SHISA9: variants seen among roughly 807,000 people sequenced by gnomAD.
SHISA9 encodes the protein protein shisa-9.
In SHISA9, 13 loss-of-function variants were observed where a neutral mutation model predicts 38.0. The observed-to-expected ratio is 0.34, with a 90% CI of 0.22 to 0.54. The LOEUF is 0.54. Among genes scored for constraint, SHISA9 ranks in the 20% least tolerant of loss-of-function variants. The probability of loss-of-function intolerance (pLI) is 0.91; values close to 1 mark genes in which losing one functional copy is unlikely to be tolerated. For synonymous variants in SHISA9, 275 were observed against 242.0 expected, an observed-to-expected ratio of 1.14 and a Z score of -1.27; for missense variants, 538 against 575.8, an observed-to-expected ratio of 0.93 and a Z score of 0.67.
chr16:12,942,648 A>G (rs1230615467), intron 2 of SHISA9, among the ~76,000 whole-genome samples: 1 of 152,256 alleles, frequency 6.6e-6, no homozygotes, highest in Non-Finnish European at 1.5e-5. Flanking sequence ...GAACTTGAGC[A>G]TTCTCACTTC....
At chr16:12,926,930 T>C (rs1318893790) in intron 2 of SHISA9, among the ~76,000 whole-genome samples, 1 of 152,196 alleles carries the variant, frequency 6.6e-6, no homozygotes, top group African/African-American at 2.4e-5. Flanking sequence ...AAGAGGATTT[T>C]GTTCTACAAG....
chr16:13,152,960 TGTAGGCGAG>T (rs2050512614), intron 2 of SHISA9, among the ~76,000 whole-genome samples: 1 of 152,200 alleles, frequency 6.6e-6, no homozygotes, highest in Non-Finnish European at 1.5e-5. Flanking sequence ...TTTCTTTAAA[TGTAGGCGAG>T]GTAGGTAGAA....
chr16:13,285,794 T>C, the SHISA9 span, among the ~76,000 whole-genome samples: 82 of 152,304 alleles, frequency 5.4e-4, no homozygotes, highest in African/African-American at 1.9e-3. Context: ...CTTTAACCCA[T>C]CTGTTTTCAT....
the SHISA9 span, among the ~76,000 whole-genome samples, chr16:13,445,280 C>T: frequency 0.012 from 1,798 of 152,176 alleles, 18 homozygotes; most frequent in Non-Finnish European, 0.02. Context: ...TTTGCATCTC[C>T]AGCACCTAAC....
At chr16:12,915,215 C>A (rs1567337447) in intron 1 of SHISA9, among the ~76,000 whole-genome samples, 1 of 152,220 alleles carries the variant, frequency 6.6e-6, no homozygotes, top group Admixed American at 6.5e-5. Context: ...AATCCCAACA[C>A]TTTGAGAGGT....
the SHISA9 span, chr16:13,331,901 T>A: frequency 6.6e-6 from 1 of 152,236 alleles, no homozygotes; most frequent in East Asian, 1.9e-4. Context: ...TCGGTGCACA[T>A]TCGGCAGACT....
At chr16:13,275,186 C>A in the SHISA9 span, among the ~76,000 whole-genome samples, 2 of 152,074 alleles carry the variant, frequency 1.3e-5, no homozygotes, top group Non-Finnish European at 2.9e-5. Context: ...CATTGTTTCT[C>A]TTACATAATG....
the SHISA9 span, among the ~76,000 whole-genome samples, chr16:13,326,095 G>T: frequency 6.7e-6 from 1 of 150,322 alleles, no homozygotes; most frequent in African/African-American, 2.5e-5. Context: ...AGAAAAAAAA[G>T]ATGCTGTCCA....
At chr16:13,409,196 G>A in the SHISA9 span, among the ~76,000 whole-genome samples, 1 of 152,196 alleles carries the variant, frequency 6.6e-6, no homozygotes, top group East Asian at 1.9e-4. Context: ...CAAACTCCAG[G>A]GGAAGATCAT....
At chr16:13,272,812 T>C in the SHISA9 span, among the ~76,000 whole-genome samples, 3 of 152,182 alleles carry the variant, frequency 2.0e-5, no homozygotes, top group African/African-American at 7.2e-5. Context: ...TTCTCTCTTC[T>C]TCTTTACAAT....
chr16:13,196,445 T>TACAA (rs2050944009), intron 2 of SHISA9, among the ~76,000 whole-genome samples: 1 of 151,186 alleles, frequency 6.6e-6, no homozygotes, highest in Non-Finnish European at 1.5e-5. Context: ...ACAAGATATC[T>TACAA]GACCCTGTAC....
At chr16:13,431,759 T>A in the SHISA9 span, among the ~76,000 whole-genome samples, 11 of 152,264 alleles carry the variant, frequency 7.2e-5, no homozygotes, top group East Asian at 1.9e-3. Context: ...AAAATATGTA[T>A]TTAATTTGAA....
At chr16:13,508,172 A>G in the SHISA9 span, among the ~76,000 whole-genome samples, 1 of 152,176 alleles carries the variant, frequency 6.6e-6, no homozygotes, top group Non-Finnish European at 1.5e-5. Context: ...TACATAATGG[A>G]TGCTTAATAA....
the SHISA9 span, among the ~76,000 whole-genome samples, chr16:13,552,014 G>A: frequency 2.0e-5 from 3 of 151,982 alleles, no homozygotes; most frequent in South Asian, 4.1e-4. Flanking sequence ...GTAACAGAAC[G>A]AGACTCCATC....
chr16:13,309,878 CTATTTATTTATT>C, the SHISA9 span, among the ~76,000 whole-genome samples: 2 of 151,156 alleles, frequency 1.3e-5, no homozygotes, highest in Non-Finnish European at 2.9e-5. Flanking sequence ...ATTTACTTAT[CTATTTATTTATT>C]TATTTATTTA....
chr16:13,515,083 C>T, the SHISA9 span, among the ~76,000 whole-genome samples: 2 of 152,062 alleles, frequency 1.3e-5, no homozygotes, highest in Non-Finnish European at 1.5e-5. Flanking sequence ...ACCTAGAATT[C>T]TATACTCAGT....
At chr16:13,227,586 TGGATATATAAATTTTGAA>T (rs1243460535) in intron 4 of SHISA9, among the ~76,000 whole-genome samples, 1 of 152,194 alleles carries the variant, frequency 6.6e-6, no homozygotes, top group African/African-American at 2.4e-5. Context: ...GGGAGGTAAC[TGGATATATAAATTTTGAA>T]GTCTAAAGGG....
chr16:12,955,977 A>C (rs1313016157), intron 2 of SHISA9, among the ~76,000 whole-genome samples: 2 of 152,238 alleles, frequency 1.3e-5, no homozygotes, highest in African/African-American at 4.8e-5. Flanking sequence ...GACAACCTAC[A>C]GAATGGGAGA....
chr16:13,061,794 CG>C (rs1358664990), intron 2 of SHISA9, among the ~76,000 whole-genome samples: 1 of 152,056 alleles, frequency 6.6e-6, no homozygotes, highest in Admixed American at 6.6e-5. Flanking sequence ...ATGAAAGAAA[CG>C]GGATACGAAG....
Sources: allele counts gnomAD v4.1 joint callset (sites outside exome capture counted in the v4.1 genomes callset), GRCh38; gene constraint gnomAD v4.1.1; transcripts MANE v1.5; gene names NCBI Gene and HGNC (gene_info 2026-07-23, HGNC 2026-07-21).